Variants in DOCK8 observed in about 807,000 individuals in gnomAD.
DOCK8 encodes dedicator of cytokinesis 8, also known as dedicator of cytokinesis protein 8.
In DOCK8, 141 loss-of-function variants were observed where a neutral mutation model predicts 245.6. That is an observed-to-expected ratio of 0.57 (90% confidence interval 0.50 to 0.66). The LOEUF is 0.66. Ranked by LOEUF, DOCK8 falls within the 30% of genes least tolerant of loss-of-function variation. DOCK8 has a pLI of 0.00. For synonymous variants in DOCK8, 1,168 were observed against 970.2 expected, an observed-to-expected ratio of 1.20 and a Z score of -3.79; for missense variants, 2,965 against 2,603.4, an observed-to-expected ratio of 1.14 and a Z score of -3.02.
chr9:408,861 AACACACACACACAC>A (rs71314709), intron 28 of DOCK8, among the ~76,000 whole-genome samples: 15,438 of 147,470 alleles, frequency 0.1, 1,144 homozygotes, highest in East Asian at 0.35. Context: ...ACATTCTTCA[AACACACACACACAC>A]ACACACACAC....
intron 1 of DOCK8, among the ~76,000 whole-genome samples, chr9:232,978 G>C (rs970486303): frequency 6.6e-6 from 1 of 151,968 alleles, no homozygotes; most frequent in Non-Finnish European, 1.5e-5. Flanking sequence ...AGTTCTTTTA[G>C]TTGTGATGTT....
intron 14 of DOCK8, among the ~76,000 whole-genome samples, chr9:348,792 G>C (rs1236734095): frequency 6.6e-6 from 1 of 152,178 alleles, no homozygotes; most frequent in African/African-American, 2.4e-5. Context: ...TTGGGAAACT[G>C]TTTAGTCTTA....
At position 399,994 on chromosome 9, in the gene DOCK8, ACCT is replaced by A. The variant is rs1472114527; in HGVS notation, c.3234+738_3234+740del. Among the ~76,000 whole-genome samples, 9 of 80,844 alleles carry A rather than the reference ACCT, an allele frequency of 1.1e-4. 1 individual carries two copies. The highest frequency in any genetic ancestry group is 5.0e-4 in the Admixed American group (4 of 7,922). The allele number at this position is 80,844 out of a possible 152,430, so 53.0% of individuals were successfully genotyped here. A position where few individuals can be genotyped will look rare whatever the true frequency, so the allele number is the denominator to read the frequency against. On this transcript the variant is annotated intron_variant, in intron 26 of 47. Coordinates refer to ENST00000432829, the MANE Select transcript of DOCK8 (RefSeq NM_203447.4). ...TTCTCCACCATCACCACCTCCCACC[ACCT>A]CCACCACCTCCACCATCACCACCAC...
At chr9:413,797 A>G (rs576256969) in intron 28 of DOCK8, among the ~76,000 whole-genome samples, 3 of 152,224 alleles carry the variant, frequency 2.0e-5, no homozygotes, top group Non-Finnish European at 4.4e-5. Context: ...GCTGGTGGGA[A>G]TGTAAAATTG....
intron 24 of DOCK8, among the ~76,000 whole-genome samples, chr9:392,138 A>T (rs993435354): frequency 2.4e-5 from 3 of 125,678 alleles, no homozygotes; most frequent in East Asian, 2.1e-4. Flanking sequence ...AACTCCATCT[A>T]AAAAAAAAAA....
intron 33 of DOCK8, 109 bp downstream of exon 33, chr9:422,244 A>ATGTTTCATTTTCT: frequency 1.1e-6 from 1 of 895,034 alleles, no homozygotes; most frequent in Non-Finnish European, 1.8e-6. Flanking sequence ...TTAGAAAATG[A>ATGTTTCATTTTCT]AACATCATTA....
At chr9:339,987 A>G (rs1287910007) in intron 13 of DOCK8, among the ~76,000 whole-genome samples, 172 bp from the exon 14 acceptor site, 1 of 152,242 alleles carries the variant, frequency 6.6e-6, no homozygotes, top group African/African-American at 2.4e-5. Flanking sequence ...CTAAATCTCG[A>G]AAGTTATCAT....
chr9:451,878 T>TATACATATATATATGC (rs1403323038), intron 45 of DOCK8, 133 bp from the exon 46 acceptor site: 9 of 215,906 alleles, frequency 4.2e-5, no homozygotes, highest in African/African-American at 2.1e-4. Flanking sequence ...TGTGTATATA[T>TATACATATATATATGC]ATATACATAT....
At chr9:250,159 A>C (rs1171496587) in intron 1 of DOCK8, among the ~76,000 whole-genome samples, 1 of 152,214 alleles carries the variant, frequency 6.6e-6, no homozygotes, top group East Asian at 1.9e-4. Context: ...GGGAGCATGT[A>C]GGGTTCAAGA....
chr9:333,452 T>G (rs1439772343), intron 10 of DOCK8, among the ~76,000 whole-genome samples: 1 of 152,106 alleles, frequency 6.6e-6, no homozygotes, highest in Non-Finnish European at 1.5e-5. Flanking sequence ...ATACAAAAAA[T>G]TAGCCGGGCA....
chr9:451,943 A>ATG lies in DOCK8; in HGVS notation c.5962-56_5962-55dup, dbSNP rs1269297855. The ATG allele has an allele frequency of 0.11, 32,226 of 299,074 alleles. 1,083 individuals carry two copies. Among genetic ancestry groups the ATG allele is most frequent in the Non-Finnish European group, 0.14 (23,627 of 172,206 alleles). The allele number at this position is 299,074 out of a possible 1,614,324, so 18.5% of individuals were successfully genotyped here. ...CATATATATGTATGTGTATATATAT[A>ATG]TGTGTGTGTGTGTATATATATATAT... On this transcript the variant is annotated intron_variant, in intron 45 of 47. Transcript: ENST00000432829.
intron 7 of DOCK8, among the ~76,000 whole-genome samples, chr9:323,349 G>A (rs1008866786): frequency 2.0e-5 from 3 of 148,362 alleles, no homozygotes; most frequent in East Asian, 2.1e-4. Context: ...TCAGCCTCCC[G>A]AGTAGCTGGG....
At chr9:442,471 C>T (rs755604779) in intron 42 of DOCK8, among the ~76,000 whole-genome samples, 12 of 152,192 alleles carry the variant, frequency 7.9e-5, no homozygotes, top group Admixed American at 1.3e-4. Context: ...CTGGATGGCA[C>T]CTGGGGTCCT....
intron 14 of DOCK8, among the ~76,000 whole-genome samples, chr9:353,009 A>C (rs975911714): frequency 6.6e-6 from 1 of 152,166 alleles, no homozygotes; most frequent in Non-Finnish European, 1.5e-5. Context: ...GCATTCACCT[A>C]ACCAGTATTA....
chr9:240,436 T>G (rs752815853), intron 1 of DOCK8, among the ~76,000 whole-genome samples: 2 of 152,062 alleles, frequency 1.3e-5, no homozygotes, highest in African/African-American at 2.4e-5. Flanking sequence ...TGAGGCCATC[T>G]TCATATGCAC....
At chr9:427,968 T>G (rs1023613549) in intron 34 of DOCK8, among the ~76,000 whole-genome samples, 2 of 152,212 alleles carry the variant, frequency 1.3e-5, no homozygotes, top group Non-Finnish European at 2.9e-5. Flanking sequence ...TAAACAAGCT[T>G]CTATTTAGAA....
chr9:336,490 A>G, intron 11 of DOCK8, 92 bp from the exon 12 acceptor site: 1 of 1,544,770 alleles, frequency 6.5e-7, no homozygotes, highest in South Asian at 1.1e-5. Flanking sequence ...GTTCCTGATC[A>G]GTGACTTTAA....
At position 247,775 on chromosome 9, in the gene DOCK8, G is replaced by A. The variant is rs369090335; in HGVS notation, c.54-23852G>A. Among the ~76,000 whole-genome samples, 17 of 152,140 alleles carry A rather than the reference G, an allele frequency of 1.1e-4. No individual in the cohort carries two copies. In the East Asian group the frequency reaches 2.7e-3, roughly 24 times the overall value. On this transcript the variant is annotated intron_variant, in intron 1 of 47. Transcript: ENST00000432829. ...GATGGTCTCAATCTCCTGACCTCGT[G>A]ATCCACCCTCCTCGGCCTCCCAAAG...
chr9:298,286 A>G (rs1464918365), intron 4 of DOCK8, among the ~76,000 whole-genome samples: 2 of 152,152 alleles, frequency 1.3e-5, no homozygotes, highest in Non-Finnish European at 2.9e-5. Context: ...TTAGCTGGGT[A>G]CGGTGGCGCA....
Sources: gnomAD v4.1 joint callset for allele counts (sites outside exome capture counted in the v4.1 genomes callset) on GRCh38, gnomAD v4.1.1 for gene constraint, MANE v1.5 for transcripts, NCBI Gene and HGNC (gene_info 2026-07-23, HGNC 2026-07-21) for gene names.